SEMA3A: variants seen among roughly 807,000 people sequenced by gnomAD.
The protein encoded by SEMA3A is semaphorin-3A.
In SEMA3A, 29 loss-of-function variants were observed where a neutral mutation model predicts 97.9. The observed-to-expected ratio is 0.30, with a 90% CI of 0.22 to 0.40. SEMA3A has a LOEUF of 0.40. Among genes scored for constraint, SEMA3A ranks in the 10% least tolerant of loss-of-function variants. The probability of loss-of-function intolerance (pLI) is 1.00; values close to 1 mark genes in which losing one functional copy is unlikely to be tolerated. For missense variants in SEMA3A, 763 were observed against 951.3 expected, an observed-to-expected ratio of 0.80 and a Z score of 2.60; for synonymous variants, 321 against 323.7, an observed-to-expected ratio of 0.99 and a Z score of 0.09.
chr7:84,207,223 G>T (rs573975950), intron 3 of SEMA3A, among the ~76,000 whole-genome samples: 2 of 152,294 alleles, frequency 1.3e-5, no homozygotes, highest in African/African-American at 4.8e-5. Context: ...CACACAATGG[G>T]TCCTCAACAA....
chr7:84,424,628 T>TTATATATAATATATAA (rs1554383777), intron 1 of SEMA3A, among the ~76,000 whole-genome samples: 1 of 45,564 alleles, frequency 2.2e-5, no homozygotes, highest in African/African-American at 1.6e-4. Flanking sequence ...ATATATAATA[T>TTATATATAATATATAA]ATATACAATA....
intron 1 of SEMA3A, among the ~76,000 whole-genome samples, chr7:84,424,612 A>AAT (rs375478498): frequency 3.0e-4 from 9 of 29,670 alleles, no homozygotes; most frequent in African/African-American, 1.3e-3. Flanking sequence ...ATTAATATAT[A>AAT]ATATAATATA....
At chr7:84,368,783 T>C (rs1212380854) in intron 2 of SEMA3A, among the ~76,000 whole-genome samples, 1 of 150,938 alleles carries the variant, frequency 6.6e-6, no homozygotes, top group Non-Finnish European at 1.5e-5. Flanking sequence ...CAGATACACA[T>C]ATACAATATA....
intron 1 of SEMA3A, among the ~76,000 whole-genome samples, chr7:84,376,958 T>C (rs1373239077): frequency 2.0e-5 from 3 of 152,180 alleles, no homozygotes; most frequent in African/African-American, 7.2e-5. Flanking sequence ...AATACTTTCA[T>C]TTATTCTTTA....
chr7:83,986,342 C>G (rs556985229), intron 12 of SEMA3A, among the ~76,000 whole-genome samples: 17 of 152,244 alleles, frequency 1.1e-4, no homozygotes, highest in African/African-American at 3.6e-4. Context: ...TCTTTAATGT[C>G]TATTAACAGG....
intron 4 of SEMA3A, among the ~76,000 whole-genome samples, chr7:84,088,318 G>A (rs1267346105): frequency 6.6e-6 from 1 of 152,052 alleles, no homozygotes; most frequent in Non-Finnish European, 1.5e-5. Context: ...GCTGGGCATG[G>A]TGGCGGGTGC....
At chr7:83,967,811 C>T (rs769382065) in intron 15 of SEMA3A, among the ~76,000 whole-genome samples, 1 of 151,982 alleles carries the variant, frequency 6.6e-6, no homozygotes, top group Non-Finnish European at 1.5e-5. Flanking sequence ...TTATAATTGG[C>T]ACATAATATA....
chr7:84,475,290 G>A (rs1356508839), intron 1 of SEMA3A, among the ~76,000 whole-genome samples: 2 of 152,108 alleles, frequency 1.3e-5, no homozygotes, highest in East Asian at 3.9e-4. Context: ...TTATATGTTT[G>A]TTTGTTCATT....
At chr7:84,222,490 A>C (rs181681609) in intron 3 of SEMA3A, among the ~76,000 whole-genome samples, 64 of 152,020 alleles carry the variant, frequency 4.2e-4, no homozygotes, top group Non-Finnish European at 8.0e-4. Flanking sequence ...AAAGAATGAC[A>C]ACATTTAAAA....
intron 1 of SEMA3A, among the ~76,000 whole-genome samples, chr7:84,439,591 T>C (rs1199794801): frequency 6.6e-6 from 1 of 152,180 alleles, no homozygotes; most frequent in African/African-American, 2.4e-5. Flanking sequence ...ATGTTTCTGA[T>C]GAGACTTTTC....
intron 1 of SEMA3A, among the ~76,000 whole-genome samples, chr7:84,435,940 G>C (rs897785763): frequency 6.6e-6 from 1 of 152,082 alleles, no homozygotes; most frequent in Admixed American, 6.6e-5. Flanking sequence ...GTGCTGTAAG[G>C]CTACAGTATC....
chr7:84,335,080 T>A (rs1309045346), intron 2 of SEMA3A, among the ~76,000 whole-genome samples: 1 of 152,278 alleles, frequency 6.6e-6, no homozygotes, highest in Non-Finnish European at 1.5e-5. Context: ...AACCTTAAAA[T>A]TTTCAATTTT....
intron 3 of SEMA3A, among the ~76,000 whole-genome samples, chr7:84,305,725 C>T (rs1264885731): frequency 3.3e-5 from 5 of 151,878 alleles, no homozygotes; most frequent in Admixed American, 3.3e-4. Context: ...ATGAATCTTG[C>T]CTCCTTTACT....
chr7:84,332,015 C>T (rs911073326), intron 2 of SEMA3A, among the ~76,000 whole-genome samples: 8 of 152,094 alleles, frequency 5.3e-5, no homozygotes, highest in Non-Finnish European at 1.0e-4. Flanking sequence ...GACTCCTGGT[C>T]ATTTCTTTCA....
At chr7:84,009,603 C>G (rs571930453) in intron 9 of SEMA3A, among the ~76,000 whole-genome samples, 2 of 152,132 alleles carry the variant, frequency 1.3e-5, no homozygotes, top group Admixed American at 6.5e-5. Context: ...GCATATCCTT[C>G]TTTATATGCA....
chr7:84,446,517 T>A (rs1285679383), intron 1 of SEMA3A, among the ~76,000 whole-genome samples: 1 of 152,062 alleles, frequency 6.6e-6, no homozygotes, highest in Non-Finnish European at 1.5e-5. Context: ...TGGTTCAACA[T>A]AAGAAAAAAT....
At chr7:83,990,989 T>C (rs1172503429) in intron 12 of SEMA3A, among the ~76,000 whole-genome samples, 3 of 151,962 alleles carry the variant, frequency 2.0e-5, no homozygotes, top group Non-Finnish European at 2.9e-5. Flanking sequence ...TCCTCTTTTA[T>C]TTCCTTGAGC....
intron 14 of SEMA3A, among the ~76,000 whole-genome samples, chr7:83,979,147 T>C (rs1303511837): frequency 6.6e-6 from 1 of 151,926 alleles, no homozygotes; most frequent in Non-Finnish European, 1.5e-5. Flanking sequence ...TTTTTTTTTT[T>C]TTTCGAGACA....
chr7:84,418,298 C>T (rs751053929), intron 1 of SEMA3A, among the ~76,000 whole-genome samples: 1 of 152,112 alleles, frequency 6.6e-6, no homozygotes, highest in African/African-American at 2.4e-5. Flanking sequence ...TCACATCTGA[C>T]ATGCTGGCAG....
Sources: gnomAD v4.1 joint callset for allele counts (sites outside exome capture counted in the v4.1 genomes callset) on GRCh38, gnomAD v4.1.1 for gene constraint, MANE v1.5 for transcripts, NCBI Gene and HGNC (gene_info 2026-07-23, HGNC 2026-07-21) for gene names.